Variants in RFC2 observed in about 807,000 individuals in gnomAD.
RFC2 encodes A1 40 kDa subunit.
Under a neutral mutation model 44.8 loss-of-function variants are expected in RFC2, and 34 were observed. The observed-to-expected ratio is 0.76, with a 90% confidence interval of 0.58 to 1.01. The LOEUF (loss-of-function observed/expected upper bound fraction) is 1.01, where lower values mean the gene tolerates loss of function less well. Ranked by LOEUF, RFC2 falls within the 50% of genes least tolerant of loss-of-function variation. RFC2 has a pLI of 0.00. For synonymous variants in RFC2, 177 were observed against 168.9 expected, an observed-to-expected ratio of 1.05 and a Z score of -0.37; for missense variants, 400 against 453.6, an observed-to-expected ratio of 0.88 and a Z score of 1.07.
chr7:74,233,595 G>GTTT (rs79258549), intron 10 of RFC2, among the ~76,000 whole-genome samples: 5 of 124,422 alleles, frequency 4.0e-5, no homozygotes, highest in East Asian at 2.3e-4. Flanking sequence ...GTTGTTATTG[G>GTTT]TTTTTTTTTT....
chr7:74,240,600 G>C (rs1554719144), intron 6 of RFC2, among the ~76,000 whole-genome samples: 2 of 150,330 alleles, frequency 1.3e-5, no homozygotes, highest in African/African-American at 2.5e-5. Flanking sequence ...GGCCTCAGTT[G>C]GCACTGCCCA....
At chr7:74,234,715 T>G (rs536828792) in intron 10 of RFC2, among the ~76,000 whole-genome samples, 24 of 152,200 alleles carry the variant, frequency 1.6e-4, no homozygotes, top group African/African-American at 5.8e-4. Context: ...CCTGGAGAGC[T>G]GGCTGTTCAA....
At chr7:74,245,319 CTCAGATTCT>C (rs1554719814) in intron 5 of RFC2, among the ~76,000 whole-genome samples, 1 of 151,940 alleles carries the variant, frequency 6.6e-6, no homozygotes, top group Admixed American at 6.6e-5. Flanking sequence ...CGAGCCTGGA[CTCAGATTCT>C]TCATTTATAC....
At chr7:74,248,108 C>T (rs1803727821) in intron 4 of RFC2, among the ~76,000 whole-genome samples, 1 of 151,952 alleles carries the variant, frequency 6.6e-6, no homozygotes. Context: ...CTTCCATACA[C>T]TTTAAATATA....
intron 6 of RFC2, 42 bp from the exon 7 acceptor site, chr7:74,240,137 C>T: frequency 6.4e-7 from 1 of 1,571,890 alleles, no homozygotes; most frequent in East Asian, 2.3e-5. Context: ...CCTGCAGAGG[C>T]CGGCATCATC....
chr7:74,246,440 G>A (rs953039194), intron 5 of RFC2, among the ~76,000 whole-genome samples: 3 of 150,478 alleles, frequency 2.0e-5, no homozygotes, highest in East Asian at 1.9e-4. Flanking sequence ...AATTATTAAC[G>A]TAAGAGATGC....
chr7:74,235,542 T>C lies in RFC2; in HGVS notation c.944A>G (p.Glu315Gly). 1 of 1,596,270 alleles carries C rather than the reference T, an allele frequency of 6.3e-7. No individual in the cohort carries two copies. The highest frequency in any genetic ancestry group is 8.6e-7 in the Non-Finnish European group (1 of 1,163,814). ...TACATTCTCACCGACCTTGATAAAC[T>C]CCAGTTTCAGGTATTCTGCCATTTG... ...TFQMAEYLKL[E>G]FIKEIGYTHM... Residue 315 changes from glutamate to glycine, a missense_variant, in exon 10 of 11, where the codon GAG (glutamate) becomes GGG (glycine). By Grantham distance (98) the Glu-to-Gly change is moderately conservative. Coordinates refer to ENST00000055077, the MANE Select transcript of RFC2 (RefSeq NM_181471.3).
chr7:74,240,374 C>A (rs541371687), intron 6 of RFC2, among the ~76,000 whole-genome samples: 6 of 151,866 alleles, frequency 4.0e-5, no homozygotes, highest in African/African-American at 1.5e-4. Flanking sequence ...TGGTGTCGCA[C>A]GTCTGTAATC....
chr7:74,248,827 C>A (rs1408635447), intron 4 of RFC2, among the ~76,000 whole-genome samples, 185 bp downstream of exon 4: 2 of 151,934 alleles, frequency 1.3e-5, no homozygotes, highest in Non-Finnish European at 2.9e-5. Context: ...TGAAAATTTC[C>A]ATGAAAACAA....
chr7:74,240,502 CAAAAAA>C (rs1216974808), intron 6 of RFC2, among the ~76,000 whole-genome samples: 1 of 73,376 alleles, frequency 1.4e-5, no homozygotes, highest in African/African-American at 4.3e-5. Context: ...GCTGTGTCTC[CAAAAAA>C]AAAAAAAAAA....
intron 5 of RFC2, 28 bp downstream of exon 5, chr7:74,246,634 T>C: frequency 7.0e-7 from 1 of 1,438,804 alleles, no homozygotes; most frequent in East Asian, 2.3e-5. Context: ...GAGATCAAGG[T>C]CAAAATACAT....
At chr7:74,236,961 CATAA>C (rs111555840) in intron 9 of RFC2, among the ~76,000 whole-genome samples, 28 of 151,440 alleles carry the variant, frequency 1.8e-4, no homozygotes, top group South Asian at 6.2e-4. Flanking sequence ...CCTGTTTCTA[CATAA>C]ATAAATAAAT....
At chr7:74,243,601 A>G in intron 5 of RFC2, among the ~76,000 whole-genome samples, 1 of 150,056 alleles carries the variant, frequency 6.7e-6, no homozygotes, top group South Asian at 2.1e-4. Flanking sequence ...TTCCTTTTTT[A>G]TTCTTTTTTT....
chr7:74,233,595 G>GGT (rs1802845019), intron 10 of RFC2, among the ~76,000 whole-genome samples: 1 of 124,430 alleles, frequency 8.0e-6, no homozygotes, highest in African/African-American at 3.0e-5. Flanking sequence ...GTTGTTATTG[G>GGT]TTTTTTTTTT....
intron 6 of RFC2, among the ~76,000 whole-genome samples, chr7:74,241,948 A>AAG (rs2116295326): frequency 6.6e-6 from 1 of 152,278 alleles, no homozygotes; most frequent in Admixed American, 6.5e-5. Context: ...CGACAGAGCG[A>AAG]GACTCTCTCT....
At chr7:74,235,705 T>C in intron 9 of RFC2, 60 bp from the exon 10 acceptor site, 1 of 1,175,038 alleles carries the variant, frequency 8.5e-7, no homozygotes, top group Non-Finnish European at 1.3e-6. Flanking sequence ...GACATGTGAT[T>C]TTGAGACTCA....
intron 5 of RFC2, 25 bp from the exon 6 acceptor site, chr7:74,243,271 AAGTGGGACCCAGAGACCATGTG>A: frequency 6.6e-7 from 1 of 1,510,528 alleles, no homozygotes; most frequent in Non-Finnish European, 9.2e-7. Context: ...ACAAGTTTGC[AAGTGGGACCCAGAGACCATGTG>A]ACACAAATCG....
In RFC2 at chr7:74,238,783, C is replaced by T. The variant is rs56375680; in HGVS notation, c.759+140G>A. Reference sequence around the variant, plus strand: ...AAAGCAGCAATAGGGAGAGGACAGACGGGAGCAGGGTGGGCTCCCTGGCAC... The same window carrying T: ...AAAGCAGCAATAGGGAGAGGACAGATGGGAGCAGGGTGGGCTCCCTGGCAC... On this transcript the variant is annotated intron_variant, in intron 8 of 10. Transcript: ENST00000055077. The surrounding 1 kb of genome is among the most constrained non-coding windows in gnomAD (Gnocchi z 4.0). The T allele has an allele frequency of 1.0e-3, 668 of 659,208 alleles. 2 individuals carry two copies. The highest frequency in any genetic ancestry group is 9.1e-3 in the African/African-American group (511 of 56,046). 40.8% of individuals were successfully genotyped at this position (659,208 alleles called of 1,614,324 possible). A position where few individuals can be genotyped will look rare whatever the true frequency, so the allele number is the denominator to read the frequency against.
chr7:74,235,005 C>G (rs955688910), intron 10 of RFC2, among the ~76,000 whole-genome samples: 1 of 152,154 alleles, frequency 6.6e-6, no homozygotes, highest in East Asian at 1.9e-4. Context: ...AGATGCCAGG[C>G]CTGTGAGCAG....
Sources: allele counts gnomAD v4.1 joint callset (sites outside exome capture counted in the v4.1 genomes callset), GRCh38; gene constraint gnomAD v4.1.1; non-coding constraint Gnocchi (gnomAD v3.1); transcripts MANE v1.5; gene names NCBI Gene and HGNC (gene_info 2026-07-23, HGNC 2026-07-21).